KREMEN1: variants seen among roughly 807,000 people sequenced by gnomAD.
KREMEN1 encodes kringle containing transmembrane protein 1, also known as kremen protein 1.
A neutral mutation model predicts 46.5 loss-of-function variants in KREMEN1; 30 were observed. The observed-to-expected ratio is 0.65, with a 90% CI of 0.48 to 0.88. The LOEUF (loss-of-function observed/expected upper bound fraction) is 0.88. Among genes scored for constraint, KREMEN1 ranks in the 40% least tolerant of loss-of-function variants. KREMEN1 has a pLI of 0.00. For missense variants in KREMEN1, 533 were observed against 596.9 expected (o/e 0.89, Z 1.11); for synonymous variants, 214 against 230.6 (o/e 0.93, Z 0.65).
At chr22:29,088,122 G>A (rs1022457614) in intron 1 of KREMEN1, among the ~76,000 whole-genome samples, 1 of 151,802 alleles carries the variant, frequency 6.6e-6, no homozygotes, top group African/African-American at 2.4e-5. Context: ...TTCCCTTACC[G>A]CTTATCCATT....
At chr22:29,091,157 G>C (rs1055960757) in intron 1 of KREMEN1, among the ~76,000 whole-genome samples, 1 of 152,300 alleles carries the variant, frequency 6.6e-6, no homozygotes, top group African/African-American at 2.4e-5. Flanking sequence ...ATTTTTAGTA[G>C]AGACGGCGTT....
exon 10 of KREMEN1, chr22:29,168,015 G>T (rs1284909011): frequency 6.6e-6 from 1 of 152,238 alleles, no homozygotes; most frequent in African/African-American, 2.4e-5. Context: ...CATATAATCT[G>T]CAAGGTCCAG....
chr22:29,097,453 A>C (rs1048071238), intron 2 of KREMEN1, among the ~76,000 whole-genome samples: 2 of 152,248 alleles, frequency 1.3e-5, no homozygotes, highest in Non-Finnish European at 2.9e-5. Flanking sequence ...ACCTCATGAC[A>C]GGATCACAAG....
intron 7 of KREMEN1, 100 bp from the exon 8 acceptor site, chr22:29,140,182 A>T: frequency 1.2e-6 from 1 of 857,576 alleles, no homozygotes. Flanking sequence ...GCCTGCAGGG[A>T]GCCCCTCAGC....
chr22:29,094,887 G>A (rs1478863555), intron 2 of KREMEN1, among the ~76,000 whole-genome samples: 1 of 152,152 alleles, frequency 6.6e-6, no homozygotes, highest in Non-Finnish European at 1.5e-5. Context: ...GCCTCCCAAA[G>A]TGCTGGGGTT....
chr22:29,131,558 ATATGTGTGTGTGTGTGTG>A (rs2038539988), intron 5 of KREMEN1, among the ~76,000 whole-genome samples: 2 of 59,672 alleles, frequency 3.4e-5, no homozygotes, highest in African/African-American at 1.6e-4. Flanking sequence ...ATATATATAT[ATATGTGTGTGTGTGTGTG>A]TGTGTGTGTG....
chr22:29,161,792 C>T (rs565924491), intron 9 of KREMEN1, among the ~76,000 whole-genome samples: 1 of 152,118 alleles, frequency 6.6e-6, no homozygotes, highest in East Asian at 1.9e-4. Flanking sequence ...CAACAATCCT[C>T]AACAAAATAC....
At chr22:29,101,071 G>A (rs2145775445) in intron 3 of KREMEN1, among the ~76,000 whole-genome samples, 1 of 152,190 alleles carries the variant, frequency 6.6e-6, no homozygotes, top group South Asian at 2.1e-4. Flanking sequence ...GGCCAACATG[G>A]CAAAACCCCA....
chr22:29,087,093 G>A (rs1298609954), intron 1 of KREMEN1, among the ~76,000 whole-genome samples: 1 of 151,996 alleles, frequency 6.6e-6, no homozygotes, highest in Non-Finnish European at 1.5e-5. Context: ...CTAAACCTTA[G>A]ATTTCTATAA....
In KREMEN1 at chr22:29,142,923, G is replaced by A. The variant is rs1050083694; in HGVS notation, c.*811G>A. The A allele has an allele frequency of 9.4e-5, 87 of 928,832 alleles. No homozygotes were observed. Among genetic ancestry groups the A allele is most frequent in the Non-Finnish European group, 1.0e-4 (80 of 778,554 alleles). 57.5% of individuals were successfully genotyped at this position (928,832 alleles called of 1,614,324 possible). On this transcript the variant is annotated 3_prime_UTR_variant, in exon 9 of 9. Transcript: ENST00000400335. ...CCAGCACTGTGGGAGGCTGAGGCGG[G>A]CAGATCACCTGAGGTCAGGAGTTCG...
rs192357006 is a variant in KREMEN1 at position 29,161,303 on chromosome 22, C to A, written c.1417-5741C>A. Among the ~76,000 whole-genome samples the A allele has an allele frequency of 5.4e-3, 818 of 151,548 alleles. 9 individuals are homozygous for A. Among genetic ancestry groups the A allele is most frequent in the Non-Finnish European group, 7.4e-3 (504 of 67,838 alleles). On this transcript the variant is annotated intron_variant, in intron 9 of 9. Coordinates refer to the KREMEN1 transcript ENST00000327813. ...TGGGCAGATCATGAGGTCAGGAGATCGAGACCATCCTGGCTAACATGATGA... is the reference window on the plus strand; with the variant it reads ...TGGGCAGATCATGAGGTCAGGAGATAGAGACCATCCTGGCTAACATGATGA...
chr22:29,152,239 G>A (rs2038920184), intron 9 of KREMEN1, among the ~76,000 whole-genome samples: 1 of 152,148 alleles, frequency 6.6e-6, no homozygotes, highest in African/African-American at 2.4e-5. Context: ...GCAGGGGAGG[G>A]CGGCTGGTTT....
chr22:29,097,483 G>A (rs1034483790), intron 2 of KREMEN1, among the ~76,000 whole-genome samples: 10 of 152,316 alleles, frequency 6.6e-5, no homozygotes, highest in Middle Eastern at 3.4e-3. Context: ...AGACTCTGAC[G>A]CAGTTTTCTT....
In KREMEN1 at chr22:29,145,368, T is replaced by G; in HGVS notation, c.*3256T>G. 1.0e-6 allele frequency: 1 copy of G among 985,554 alleles called. No individual in the cohort carries two copies. Among genetic ancestry groups the G allele is most frequent in the African/African-American group, 1.7e-5 (1 of 57,370 alleles). 61.1% of individuals were successfully genotyped at this position (985,554 alleles called of 1,614,324 possible). On this transcript the variant is annotated 3_prime_UTR_variant, in exon 9 of 9. Transcript: ENST00000400335. ...TCGGGGACCACTGTGGACAGAGCTCTGAAAGCACCCTGGCCAAAGCCCCTC... is the reference window on the plus strand; with the variant it reads ...TCGGGGACCACTGTGGACAGAGCTCGGAAAGCACCCTGGCCAAAGCCCCTC...
At position 29,144,542 on chromosome 22, in the gene KREMEN1, C is replaced by A. The variant is rs1374542032; in HGVS notation, c.*2430C>A. The A allele has an allele frequency of 6.1e-6, 6 of 985,400 alleles. No homozygotes were observed. Among genetic ancestry groups the A allele is most frequent in the Non-Finnish European group, 7.2e-6 (6 of 829,998 alleles). 61.0% of individuals were successfully genotyped at this position (985,400 alleles called of 1,614,324 possible). ...CAAGAGGCCTGTCACACAGGAGGAC[C>A]GCTGGAAACATACCAACACGTGCAG... On this transcript the variant is annotated 3_prime_UTR_variant, in exon 9 of 9. Transcript: ENST00000400335.
intron 2 of KREMEN1, among the ~76,000 whole-genome samples, chr22:29,095,715 T>C (rs913560742): frequency 6.6e-6 from 1 of 152,220 alleles, no homozygotes; most frequent in African/African-American, 2.4e-5. Flanking sequence ...ATACCTTTGC[T>C]AACGCTCTAG....
At chr22:29,162,970 A>G (rs563391323) in intron 9 of KREMEN1, among the ~76,000 whole-genome samples, 1 of 152,324 alleles carries the variant, frequency 6.6e-6, no homozygotes, top group Admixed American at 6.5e-5. Context: ...ATACAGATCC[A>G]GCTGGAGGCC....
At chr22:29,160,227 C>T (rs1002683751) in intron 9 of KREMEN1, among the ~76,000 whole-genome samples, 1 of 151,828 alleles carries the variant, frequency 6.6e-6, no homozygotes, top group South Asian at 2.1e-4. Flanking sequence ...AGAATGAAGA[C>T]GGAAAATACT....
chr22:29,165,029 C>T (rs974151062), intron 9 of KREMEN1, among the ~76,000 whole-genome samples: 6 of 151,764 alleles, frequency 4.0e-5, no homozygotes, highest in South Asian at 2.1e-4. Flanking sequence ...AAAAATTAGC[C>T]GGGCATGGTG....
Sources: gnomAD v4.1 joint callset for allele counts (sites outside exome capture counted in the v4.1 genomes callset) on GRCh38, gnomAD v4.1.1 for gene constraint, MANE v1.5 for transcripts, NCBI Gene and HGNC (gene_info 2026-07-23, HGNC 2026-07-21) for gene names.